Variants in DCHS2 observed in about 807,000 individuals in gnomAD.
DCHS2 encodes dachsous cadherin-related 2.
Under a neutral mutation model 182.4 loss-of-function variants are expected in DCHS2, and 142 were observed. The observed-to-expected ratio is 0.78, with a 90% CI of 0.68 to 0.89. DCHS2 has a LOEUF of 0.89. Ranked by LOEUF, DCHS2 falls within the 40% of genes least tolerant of loss-of-function variation. The pLI is 0.00. For missense variants in DCHS2, 4,319 were observed against 4,198.6 expected, an observed-to-expected ratio of 1.03 and a Z score of -0.79; for synonymous variants, 1,740 against 1,663.3, an observed-to-expected ratio of 1.05 and a Z score of -1.12.
rs1412595733 is a variant in DCHS2 at position 154,320,455 on chromosome 4, T to C, written c.4944A>G (p.Glu1648=). 6.2e-7 allele frequency: 1 copy of C among 1,614,162 alleles called. No individual in the cohort carries two copies. The highest frequency in any genetic ancestry group is 8.5e-7 in the Non-Finnish European group (1 of 1,180,010). Residue 1648 remains glutamate (E), a synonymous_variant, in exon 9 of 20, where the codon GAA becomes GAG. Transcript: ENST00000357232. ...VHHITAHDPD[E]GRNGKVTYSI... ...TGTATGTTACTTTTCCATTCCTTCC[T>C]TCGTCTGGATCGTGAGCAGTTATGT...
At chr4:154,397,055 A>G (rs1731959772) in intron 1 of DCHS2, among the ~76,000 whole-genome samples, 1 of 152,208 alleles carries the variant, frequency 6.6e-6, no homozygotes, top group Non-Finnish European at 1.5e-5. Flanking sequence ...AAGACCCATG[A>G]ATGTCTAACT....
intron 1 of DCHS2, among the ~76,000 whole-genome samples, chr4:154,448,288 T>C (rs1291036355): frequency 6.6e-6 from 1 of 152,296 alleles, no homozygotes; most frequent in East Asian, 1.9e-4. Context: ...TATGAATGTA[T>C]CTTTTGCTCA....
chr4:154,329,941 G>C (rs28473491), intron 5 of DCHS2, among the ~76,000 whole-genome samples: 5 of 152,104 alleles, frequency 3.3e-5, no homozygotes, highest in African/African-American at 9.7e-5. Context: ...ATCATCCATC[G>C]ATCATTTGAA....
In DCHS2 at chr4:154,489,417, A is replaced by C. The variant is rs201653053; in HGVS notation, c.1939T>G (p.Cys647Gly). 1.4e-5 allele frequency: 22 copies of C among 1,551,656 alleles called. No homozygotes were observed. In the East Asian group the frequency reaches 4.2e-4, roughly 29 times the overall value. The change falls in exon 1 of 20, where the codon TGC becomes GGC. Residue 647 changes from cysteine (C) to glycine (G), a missense_variant. By Grantham distance (159) the Cys-to-Gly change is radical (BLOSUM62 -3). Transcript: ENST00000357232. Reference sequence around the variant, plus strand: ...TCATCTACGGTGATGCTCACCAGGCAGGTGGCAGAGAGTGGGGGCTCTCCG... The same window carrying C: ...TCATCTACGGTGATGCTCACCAGGCCGGTGGCAGAGAGTGGGGGCTCTCCG... Reference protein sequence around the residue: ...DLGEPPLSATCLVSITVDDVN... With the variant: ...DLGEPPLSATGLVSITVDDVN...
chr4:154,362,724 C>T (rs57041958), intron 3 of DCHS2, among the ~76,000 whole-genome samples: 1,700 of 152,188 alleles, frequency 0.011, 30 homozygotes, highest in African/African-American at 0.039. Flanking sequence ...CCCACGAGAC[C>T]GAAAGACCAA....
rs538897104 is a variant in DCHS2, at chr4:154,470,396, G to C, written c.2052+18908C>G. ...CTAGCTACTCAGGTGGCTGAGGCAG[G>C]AGGATCACTTAAGCCTAGGAGTTCT... On this transcript the variant is annotated intron_variant, in intron 1 of 19. Coordinates refer to ENST00000357232, the MANE Select transcript of DCHS2 (RefSeq NM_001358235.2). Among the ~76,000 whole-genome samples, 3 of 151,882 alleles carry C rather than the reference G, an allele frequency of 2.0e-5. No individual in the cohort carries two copies. In the South Asian group the frequency reaches 6.2e-4, roughly 32 times the overall value.
intron 1 of DCHS2, among the ~76,000 whole-genome samples, chr4:154,486,237 C>A (rs1331529206): frequency 6.6e-6 from 1 of 152,162 alleles, no homozygotes; most frequent in Non-Finnish European, 1.5e-5. Flanking sequence ...ACTCATAAGT[C>A]TTTGGAAAGG....
At chr4:154,281,485 T>C (rs1285164730) in intron 13 of DCHS2, among the ~76,000 whole-genome samples, 2 of 152,102 alleles carry the variant, frequency 1.3e-5, no homozygotes, top group Admixed American at 6.6e-5. Flanking sequence ...TGAGGTAAAA[T>C]ATTAATACGT....
At chr4:154,343,512 G>C in intron 3 of DCHS2, 1 of 1,499,058 alleles carries the variant, frequency 6.7e-7, no homozygotes. Flanking sequence ...CCTTGCTGCA[G>C]CTTCTCCATC....
At chr4:154,429,759 T>A (rs1219551756) in intron 1 of DCHS2, among the ~76,000 whole-genome samples, 3 of 152,166 alleles carry the variant, frequency 2.0e-5, no homozygotes, top group Non-Finnish European at 4.4e-5. Flanking sequence ...AAACTTCTCT[T>A]CTGTCATCAA....
At chr4:154,324,050 G>A (rs1419953801) in intron 7 of DCHS2, among the ~76,000 whole-genome samples, 3 of 152,252 alleles carry the variant, frequency 2.0e-5, no homozygotes, top group African/African-American at 7.2e-5. Flanking sequence ...AATGCTCGAT[G>A]AGTTAAACTT....
At position 154,333,136 on chromosome 4, in the gene DCHS2, G is replaced by T; in HGVS notation, c.3072C>A (p.Gly1024=). The change falls in exon 5 of 20, where the codon GGC becomes GGA. Residue 1024 remains glycine, a synonymous_variant. Transcript: ENST00000357232. The part of the protein sequence containing the change: ...IRYSIASPQP[G]VFAIDRALGV... ...CCAGGGCTCTGTCGATGGCAAAGAC[G>T]CCTGGCTGCGGGCTGGCGATGGAGT... 1 of 1,614,142 alleles carries T rather than the reference G, an allele frequency of 6.2e-7. No homozygotes were observed. The highest frequency in any genetic ancestry group is 1.1e-5 in the South Asian group (1 of 91,078).
chr4:154,479,920 A>G (rs1323664129), intron 1 of DCHS2, among the ~76,000 whole-genome samples: 1 of 152,226 alleles, frequency 6.6e-6, no homozygotes, highest in Non-Finnish European at 1.5e-5. Flanking sequence ...TTCTTGTAAG[A>G]TGAGTCCAGG....
chr4:154,458,397 C>T (rs1050206868), intron 1 of DCHS2, among the ~76,000 whole-genome samples: 2 of 152,132 alleles, frequency 1.3e-5, no homozygotes, highest in African/African-American at 2.4e-5. Context: ...ACAGCTGTTA[C>T]GGTTTTTCTT....
chr4:154,240,258 T>C (rs758737190), intron 18 of DCHS2, among the ~76,000 whole-genome samples: 19 of 151,902 alleles, frequency 1.3e-4, no homozygotes, highest in Non-Finnish European at 2.2e-4. Context: ...TTGCAAATAT[T>C]TGGCAGGTTC....
chr4:154,490,864 C>G lies in DCHS2; in HGVS notation c.492G>C (p.Ser164=). The change falls in exon 1 of 20, where the codon TCG becomes TCC. Residue 164 remains serine, a synonymous_variant. Transcript: ENST00000357232. ...EIRVNDVNDH[S]PRFPLDSLQL... ...GCAGGGAGTCGAGGGGAAAGCGGGG[C>G]GAGTGGTCATTCACGTCGTTGACGC... is the stretch of plus-strand genomic sequence containing the variant. 6.4e-7 allele frequency: 1 copy of G among 1,551,512 alleles called. No individual in the cohort carries two copies. The highest frequency in any genetic ancestry group is 8.7e-7 in the Non-Finnish European group (1 of 1,146,936).
At chr4:154,391,286 A>G in intron 1 of DCHS2, 2 of 1,594,326 alleles carry the variant, frequency 1.3e-6, no homozygotes, top group Non-Finnish European at 1.7e-6. Flanking sequence ...TCGTTATCTC[A>G]TCCAGTCTCA....
At position 154,373,150 on chromosome 4, in the gene DCHS2, G is replaced by A. The variant is rs548237456; in HGVS notation, c.2244+4103C>T. On this transcript the variant is annotated intron_variant, in intron 2 of 19. Coordinates refer to ENST00000357232, the MANE Select transcript of DCHS2 (RefSeq NM_001358235.2). ...GAATCCAACAACGTAAACCTAAAAT[G>A]TCCTGTCTGCATTAATTTATTCTTT... 2.6e-5 allele frequency among the ~76,000 whole-genome samples: 4 copies of A among 152,282 alleles called. No homozygotes were observed. In the South Asian group the frequency reaches 8.3e-4, roughly 32 times the overall value.
At chr4:154,343,908 C>G (rs1034090962) in intron 3 of DCHS2, among the ~76,000 whole-genome samples, 2 of 152,202 alleles carry the variant, frequency 1.3e-5, no homozygotes, top group Non-Finnish European at 2.9e-5. Context: ...CGTCACTATG[C>G]TTAATCATAT....
Sources: gnomAD v4.1 joint callset for allele counts (sites outside exome capture counted in the v4.1 genomes callset) on GRCh38, gnomAD v4.1.1 for gene constraint, MANE v1.5 for transcripts, NCBI Gene and HGNC (gene_info 2026-07-23, HGNC 2026-07-21) for gene names.